Variants in OPA3 observed in about 807,000 individuals in gnomAD.
The protein encoded by OPA3 is outer mitochondrial membrane lipid metabolism regulator OPA3, also known as optic atrophy 3 protein.
In OPA3, 6 loss-of-function variants were observed where a neutral mutation model predicts 4.0. That is an observed-to-expected ratio of 1.51 (90% CI 0.83 to 2.99). The LOEUF is 2.99. Ranked by LOEUF, OPA3 falls within the 30% of genes most tolerant of loss-of-function variation. The probability of loss-of-function intolerance (pLI) is 0.00; values close to 1 mark genes in which losing one functional copy is unlikely to be tolerated. For missense variants in OPA3, 235 were observed against 256.2 expected, an observed-to-expected ratio of 0.92 and a Z score of 0.56; for synonymous variants, 105 against 117.1, an observed-to-expected ratio of 0.90 and a Z score of 0.67.
downstream of OPA3, among the ~76,000 whole-genome samples, chr19:45,545,655 G>A (rs1969240407): frequency 6.6e-6 from 1 of 151,802 alleles, no homozygotes; most frequent in East Asian, 1.9e-4. Context: ...GCTGGCCCAA[G>A]GCAGCCCACA....
chr19:45,584,524 G>C (rs1246668057), intron 1 of OPA3, 99 bp downstream of exon 1: 3 of 1,603,416 alleles, frequency 1.9e-6, no homozygotes, highest in Admixed American at 3.4e-5. Context: ...TGCCGGTTCG[G>C]GCTGTGATTG....
intron 1 of OPA3, among the ~76,000 whole-genome samples, chr19:45,567,047 A>C (rs148425269): frequency 1.3e-5 from 2 of 152,220 alleles, no homozygotes; most frequent in African/African-American, 4.8e-5. Context: ...AAACAAAATA[A>C]CAAAATAAAC....
At chr19:45,569,216 T>C (rs984241149) in intron 1 of OPA3, among the ~76,000 whole-genome samples, 1 of 152,144 alleles carries the variant, frequency 6.6e-6, no homozygotes, top group African/African-American at 2.4e-5. Flanking sequence ...CCCAGCACTT[T>C]GGAAGGCCAA....
intron 1 of OPA3, among the ~76,000 whole-genome samples, chr19:45,529,887 T>C (rs1324690971): frequency 6.6e-6 from 1 of 151,696 alleles, no homozygotes; most frequent in Admixed American, 6.6e-5. Flanking sequence ...GTGCGCGCCA[T>C]CATGCCTGGC....
At chr19:45,537,910 G>C (rs1304859986) in intron 1 of OPA3, among the ~76,000 whole-genome samples, 2 of 152,036 alleles carry the variant, frequency 1.3e-5, no homozygotes, top group Non-Finnish European at 2.9e-5. Flanking sequence ...CTGTATGTCT[G>C]CAATATTTCA....
Position 45,548,737 on chromosome 19 carries a change from T to C in OPA3, c.*4777A>G, listed in dbSNP as rs896420432. 1.3e-5 allele frequency: 13 copies of C among 980,684 alleles called. No homozygotes were observed. The highest frequency in any genetic ancestry group is 6.2e-5 in the Admixed American group (1 of 16,112). 60.7% of individuals were successfully genotyped at this position (980,684 alleles called of 1,614,324 possible). Reference sequence around the variant, plus strand: ...CCCGGTGCGGGACCACCTCAGTGAGTTTTTTGAGTGAAAGAATAAATAAAG... The same window carrying C: ...CCCGGTGCGGGACCACCTCAGTGAGCTTTTTGAGTGAAAGAATAAATAAAG... On this transcript the variant is annotated 3_prime_UTR_variant, in exon 2 of 2. Coordinates refer to ENST00000263275, the MANE Select transcript of OPA3 (RefSeq NM_025136.4).
intron 1 of OPA3, among the ~76,000 whole-genome samples, chr19:45,583,151 T>G (rs1221119218): frequency 6.6e-6 from 1 of 151,736 alleles, no homozygotes; most frequent in Admixed American, 6.6e-5. Flanking sequence ...ACAACACAGA[T>G]CACCTTTTTT....
At chr19:45,574,396 CAAAAA>C (rs779877314) in intron 1 of OPA3, among the ~76,000 whole-genome samples, 2 of 72,556 alleles carry the variant, frequency 2.8e-5, no homozygotes, top group Admixed American at 1.6e-4. Context: ...GACTCTGTCT[CAAAAA>C]AAAAAAAAAA....
intron 1 of OPA3, among the ~76,000 whole-genome samples, chr19:45,557,661 T>C (rs1280018957): frequency 1.3e-5 from 2 of 152,170 alleles, no homozygotes; most frequent in Non-Finnish European, 2.9e-5. Flanking sequence ...TGGATTCCCT[T>C]CTGCTGTCCT....
At chr19:45,572,905 A>G (rs1969709757) in intron 1 of OPA3, among the ~76,000 whole-genome samples, 1 of 149,922 alleles carries the variant, frequency 6.7e-6, no homozygotes, top group Admixed American at 6.7e-5. Flanking sequence ...GGATTTCTCC[A>G]AGGCCTGGGC....
intron 1 of OPA3, among the ~76,000 whole-genome samples, chr19:45,538,717 C>T (rs1025823329): frequency 1.6e-4 from 22 of 141,658 alleles, no homozygotes; most frequent in Non-Finnish European, 2.1e-4. Flanking sequence ...AGTGAGACTC[C>T]GTCTCAAAAA....
chr19:45,556,724 G>A lies in OPA3; in HGVS notation c.143-2813C>T, dbSNP rs113142377. ...GGCTTGGGGAGCTCTGCTGGAGCTGGAGGGAAGACCTGAGGTGCAAGCTTA... is the reference window on the plus strand; with the variant it reads ...GGCTTGGGGAGCTCTGCTGGAGCTGAAGGGAAGACCTGAGGTGCAAGCTTA... On this transcript the variant is annotated intron_variant, in intron 1 of 1. Transcript: ENST00000263275. Among the ~76,000 whole-genome samples the A allele has an allele frequency of 5.7e-3, 873 of 152,286 alleles. 7 individuals are homozygous for A. Among genetic ancestry groups the A allele is most frequent in the Non-Finnish European group, 6.8e-3 (464 of 68,010 alleles).
chr19:45,566,696 A>C (rs556276656), intron 1 of OPA3, among the ~76,000 whole-genome samples: 28 of 151,338 alleles, frequency 1.9e-4, no homozygotes, highest in African/African-American at 6.8e-4. Flanking sequence ...GGCTGGTCTC[A>C]ATCTCCTGAC....
chr19:45,580,657 C>T (rs568876949), intron 1 of OPA3, among the ~76,000 whole-genome samples: 65 of 147,392 alleles, frequency 4.4e-4, no homozygotes, highest in African/African-American at 1.6e-3. Flanking sequence ...CTCGCTCTGT[C>T]GCCCAAGCTG....
intron 1 of OPA3, among the ~76,000 whole-genome samples, chr19:45,555,647 C>T (rs551046932): frequency 5.9e-5 from 9 of 152,194 alleles, no homozygotes; most frequent in Middle Eastern, 3.4e-3. Flanking sequence ...CCCGCTACCA[C>T]GCCCAGCTAA....
chr19:45,555,092 A>G (rs1484699584), intron 1 of OPA3, among the ~76,000 whole-genome samples: 1 of 152,204 alleles, frequency 6.6e-6, no homozygotes, highest in African/African-American at 2.4e-5. Context: ...GTCCATCCAA[A>G]AGATGAACAT....
chr19:45,540,260 T>G (rs1232015815), intron 1 of OPA3, among the ~76,000 whole-genome samples: 2 of 151,684 alleles, frequency 1.3e-5, no homozygotes, highest in African/African-American at 4.8e-5. Flanking sequence ...GAAATTGCAG[T>G]GAGTCAAGAT....
At position 45,550,968 on chromosome 19, in the gene OPA3, A is replaced by C; in HGVS notation, c.*2546T>G. Reference sequence around the variant, plus strand: ...GCGGGGTTGGCAGGAGTCCCAGGGTACTTTTTTTCTGAGAAAGGGTCTCAC... The same window carrying C: ...GCGGGGTTGGCAGGAGTCCCAGGGTCCTTTTTTTCTGAGAAAGGGTCTCAC... On this transcript the variant is annotated 3_prime_UTR_variant, in exon 2 of 2. Transcript: ENST00000263275. 1.0e-6 allele frequency: 1 copy of C among 985,414 alleles called. No individual in the cohort carries two copies. The allele number at this position is 985,414 out of a possible 1,614,324, so 61.0% of individuals were successfully genotyped here. A position where few individuals can be genotyped will look rare whatever the true frequency, so the allele number is the denominator to read the frequency against.
chr19:45,541,635 G>C (rs2122397418), downstream of OPA3, among the ~76,000 whole-genome samples: 1 of 152,244 alleles, frequency 6.6e-6, no homozygotes, highest in Middle Eastern at 3.4e-3. Flanking sequence ...TGCAATGATG[G>C]CTCATTGCAG....
Sources: allele counts gnomAD v4.1 joint callset (sites outside exome capture counted in the v4.1 genomes callset), GRCh38; gene constraint gnomAD v4.1.1; transcripts MANE v1.5; gene names NCBI Gene and HGNC (gene_info 2026-07-23, HGNC 2026-07-21).